Variants in NF1 observed in about 807,000 individuals in gnomAD.
NF1 encodes the protein neurofibromin.
Under a neutral mutation model 325.7 loss-of-function variants are expected in NF1, and 122 were observed. The observed-to-expected ratio is 0.37, with a 90% CI of 0.32 to 0.44. NF1 has a LOEUF of 0.44. NF1 is among the 20% of genes least tolerant of loss of function. The probability of loss-of-function intolerance (pLI) is 1.00; values close to 1 mark genes in which losing one functional copy is unlikely to be tolerated. For synonymous variants in NF1, 1,091 were observed against 1,186.0 expected (o/e 0.92, Z 1.65); for missense variants, 2,140 against 3,415.4 (o/e 0.63, Z 9.31).
chr17:31,296,225 T>A, intron 36 of NF1: 2 of 1,614,144 alleles, frequency 1.2e-6, no homozygotes, highest in East Asian at 4.5e-5. Flanking sequence ...CACATGCCTG[T>A]GCCTCTCTGT....
rs376172637 is a variant in NF1, at chr17:31,155,959, GT to G, written c.61-14del. On this transcript the variant is annotated intron_variant, in intron 1 of 57. Coordinates refer to ENST00000358273, the MANE Select transcript of NF1 (RefSeq NM_001042492.3). Reference sequence around the variant, plus strand: ...GTTTTTAAGGATAAGCTGTTAACGTGTTTTTTTTTTCTTTTTTTTTCAGCTT... The same window carrying G: ...GTTTTTAAGGATAAGCTGTTAACGTGTTTTTTTTTCTTTTTTTTTCAGCTT... 559 of 1,435,822 alleles carry G rather than the reference GT, an allele frequency of 3.9e-4. No homozygotes were observed. The highest frequency in any genetic ancestry group is 1.3e-3 in the South Asian group (108 of 80,318). The allele number at this position is 1,435,822 out of a possible 1,614,324, so 88.9% of individuals were successfully genotyped here.
At chr17:31,298,053 A>G (rs2068501741) in intron 36 of NF1, among the ~76,000 whole-genome samples, 1 of 152,044 alleles carries the variant, frequency 6.6e-6, no homozygotes, top group East Asian at 1.9e-4. Context: ...GTTTTTTCCA[A>G]AGACATTTTT....
chr17:31,139,986 G>A (rs1916101134), intron 1 of NF1, among the ~76,000 whole-genome samples: 1 of 152,182 alleles, frequency 6.6e-6, no homozygotes, highest in Admixed American at 6.5e-5. Context: ...GTAAAAAGGT[G>A]ATTGTTGAGG....
intron 1 of NF1, among the ~76,000 whole-genome samples, chr17:31,142,853 C>T (rs891883761): frequency 1.2e-4 from 17 of 142,804 alleles, no homozygotes; most frequent in South Asian, 7.0e-4. Flanking sequence ...GGCGATAGAG[C>T]GAGACTCTGT....
At chr17:31,175,527 T>C (rs1346987389) in intron 5 of NF1, among the ~76,000 whole-genome samples, 4 of 152,050 alleles carry the variant, frequency 2.6e-5, no homozygotes, top group Non-Finnish European at 4.4e-5. Flanking sequence ...GTATATGTTT[T>C]CCAAATTTTT....
chr17:31,198,573 T>G (rs184037052), intron 8 of NF1, among the ~76,000 whole-genome samples: 12 of 152,172 alleles, frequency 7.9e-5, no homozygotes, highest in Admixed American at 6.5e-4. Context: ...TCATAATTCT[T>G]TTTATTTTTG....
rs574282086 is a variant in NF1 at position 31,377,669 on chromosome 17, G to T, written c.*3514G>T. The T allele has an allele frequency of 7.5e-5, 16 of 214,704 alleles. No individual in the cohort carries two copies. Among genetic ancestry groups the T allele is most frequent in the Non-Finnish European group, 1.3e-4 (14 of 111,660 alleles). 13.3% of individuals were successfully genotyped at this position (214,704 alleles called of 1,614,324 possible). A position where few individuals can be genotyped will look rare whatever the true frequency, so the allele number is the denominator to read the frequency against. ...TTTAAGTAAAATGTAAATTCAATCTGCTCTAAGATATGAGGAGTTATTTAA... is the reference window on the plus strand; with the variant it reads ...TTTAAGTAAAATGTAAATTCAATCTTCTCTAAGATATGAGGAGTTATTTAA... On this transcript the variant is annotated 3_prime_UTR_variant, in exon 58 of 58. Transcript: ENST00000358273.
At position 31,095,068 on chromosome 17, in the gene NF1, C is replaced by T. The variant is rs1911514708; in HGVS notation, c.-242C>T. 1.3e-5 allele frequency: 6 copies of T among 466,514 alleles called. No individual in the cohort carries two copies. The highest frequency in any genetic ancestry group is 6.1e-5 in the African/African-American group (3 of 49,514). 28.9% of individuals were successfully genotyped at this position (466,514 alleles called of 1,614,324 possible). On this transcript the variant is annotated 5_prime_UTR_variant, in exon 1 of 58. Transcript: ENST00000358273. ...GAGAGCGACCAAGAGGCCCCCTCCC[C>T]TCCCCGGGTCCCCTTCCCCTATCCC...
chr17:31,229,188 C>T lies in NF1; in HGVS notation c.2573C>T (p.Ser858Phe), dbSNP rs369493270. The T allele has an allele frequency of 1.2e-6, 2 of 1,611,974 alleles. No homozygotes were observed. The highest frequency in any genetic ancestry group is 2.2e-5 in the East Asian group (1 of 44,878). ...GTGTGCCTCCAGCAGAGAAGCAATT[C>T]TGGCCTGGCAACCTATAGCCCACCC... ...GGVCLQQRSN[S>F]GLATYSPPMG... The change falls in exon 21 of 58, where the codon TCT becomes TTT. Residue 858 changes from serine to phenylalanine, a missense_variant. Physicochemically the swap from Ser to Phe is radical, Grantham distance 155. Coordinates refer to ENST00000358273, the MANE Select transcript of NF1 (RefSeq NM_001042492.3).
intron 36 of NF1, chr17:31,318,690 C>G: frequency 6.2e-7 from 1 of 1,614,090 alleles, no homozygotes. Flanking sequence ...TTTCAATGCT[C>G]TGTACTGTTG....
At chr17:31,362,308 C>T in intron 57 of NF1, 1 of 985,418 alleles carries the variant, frequency 1.0e-6, no homozygotes, top group South Asian at 4.7e-5. Context: ...CACTGAATTC[C>T]TTCCTGCTTC....
intron 1 of NF1, among the ~76,000 whole-genome samples, chr17:31,139,604 G>C (rs1352596973): frequency 1.3e-5 from 2 of 152,156 alleles, no homozygotes; most frequent in Non-Finnish European, 2.9e-5. Context: ...TAAGTTGGTG[G>C]AGAACTAACT....
intron 1 of NF1, among the ~76,000 whole-genome samples, chr17:31,119,234 C>T (rs1247160621): frequency 6.6e-6 from 1 of 152,084 alleles, no homozygotes; most frequent in Non-Finnish European, 1.5e-5. Context: ...AGCCACCGCG[C>T]CTGGCCTTAA....
At chr17:31,244,637 G>A (rs949501857) in intron 29 of NF1, among the ~76,000 whole-genome samples, 8 of 152,086 alleles carry the variant, frequency 5.3e-5, no homozygotes, top group South Asian at 2.1e-4. Context: ...TGTGCTGTCC[G>A]TCCCCCAAAT....
chr17:31,158,936 C>A, intron 2 of NF1, 74 bp from the exon 3 acceptor site: 1 of 861,258 alleles, frequency 1.2e-6, no homozygotes, highest in African/African-American at 1.7e-5. Context: ...TTTAGTCTTT[C>A]ACTTTTCAGA....
intron 17 of NF1, 52 bp downstream of exon 17, chr17:31,225,302 T>C: frequency 1.3e-6 from 2 of 1,598,128 alleles, no homozygotes; most frequent in Middle Eastern, 1.7e-4. Context: ...CTGTTTGTTT[T>C]CTGAATGAAA....
chr17:31,104,013 A>C (rs1912621273), intron 1 of NF1, among the ~76,000 whole-genome samples: 1 of 152,018 alleles, frequency 6.6e-6, no homozygotes, highest in South Asian at 2.1e-4. Context: ...ACCCTGTCTC[A>C]AAAAAAATTT....
intron 12 of NF1, among the ~76,000 whole-genome samples, chr17:31,213,862 CAA>C (rs1423296546): frequency 4.6e-5 from 7 of 152,090 alleles, no homozygotes; most frequent in South Asian, 2.1e-4. Flanking sequence ...CTAGTAAATA[CAA>C]AGATTGCCTA....
chr17:31,277,380 G>A (rs991198780), intron 36 of NF1, among the ~76,000 whole-genome samples: 7 of 152,118 alleles, frequency 4.6e-5, no homozygotes, highest in Admixed American at 4.6e-4. Context: ...TCTCCAAGAC[G>A]CCAGAAGATG....
Sources: gnomAD v4.1 joint callset for allele counts (sites outside exome capture counted in the v4.1 genomes callset) on GRCh38, gnomAD v4.1.1 for gene constraint, MANE v1.5 for transcripts, NCBI Gene and HGNC (gene_info 2026-07-23, HGNC 2026-07-21) for gene names.